Variants in NCAM1 observed in about 807,000 individuals in gnomAD.
NCAM1 encodes antigen recognized by monoclonal antibody 5.1H11.
NCAM1 carries 14 observed loss-of-function variants against 109.8 expected under a neutral mutation model. The ratio of observed to expected loss-of-function variants is 0.13; its 90% CI spans 0.08 to 0.20. NCAM1 has a LOEUF of 0.20. Ranked by LOEUF, NCAM1 falls within the 10% of genes least tolerant of loss-of-function variation. The pLI, the probability that NCAM1 is intolerant of heterozygous loss-of-function variation, is 1.00. For synonymous variants in NCAM1, 418 were observed against 442.9 expected (o/e 0.94, Z 0.70); for missense variants, 774 against 1,109.9 (o/e 0.70, Z 4.30).
chr11:113,220,803 G>A (rs1565508697), intron 8 of NCAM1, among the ~76,000 whole-genome samples: 1 of 151,692 alleles, frequency 6.6e-6, no homozygotes, highest in Non-Finnish European at 1.5e-5. Context: ...TAGAGATGGG[G>A]TTTCACCGTG....
intron 1 of NCAM1, among the ~76,000 whole-genome samples, chr11:113,193,917 C>T (rs1224860271): frequency 6.6e-6 from 1 of 152,112 alleles, no homozygotes; most frequent in East Asian, 1.9e-4. Context: ...GGGGCAGCAA[C>T]CATGGTTTGA....
intron 1 of NCAM1, among the ~76,000 whole-genome samples, chr11:113,141,026 A>C (rs1372031015): frequency 6.6e-6 from 1 of 152,168 alleles, no homozygotes; most frequent in African/African-American, 2.4e-5. Flanking sequence ...TTGTTCACTT[A>C]TGCTTTCATT....
intron 1 of NCAM1, among the ~76,000 whole-genome samples, chr11:113,163,887 G>A (rs1244948188): frequency 6.6e-6 from 1 of 152,120 alleles, no homozygotes; most frequent in Non-Finnish European, 1.5e-5. Flanking sequence ...GAGAAGAGAG[G>A]GAGTGAGCAA....
At chr11:113,013,294 C>T (rs999060206) in intron 1 of NCAM1, among the ~76,000 whole-genome samples, 8 of 151,668 alleles carry the variant, frequency 5.3e-5, no homozygotes, top group African/African-American at 1.7e-4. Context: ...GGCATGATGG[C>T]GCGTGCCTAT....
At chr11:113,127,968 G>A (rs905924361) in intron 1 of NCAM1, among the ~76,000 whole-genome samples, 3 of 152,206 alleles carry the variant, frequency 2.0e-5, no homozygotes, top group Non-Finnish European at 2.9e-5. Context: ...CACATGGGGC[G>A]TGGCTGAGTA....
At chr11:112,978,849 G>A (rs1260942228) in intron 1 of NCAM1, among the ~76,000 whole-genome samples, 2 of 151,732 alleles carry the variant, frequency 1.3e-5, no homozygotes, top group African/African-American at 4.8e-5. Flanking sequence ...TGGAGACAAA[G>A]CTTATTGTTT....
At chr11:113,033,553 A>G (rs1168314261) in intron 1 of NCAM1, among the ~76,000 whole-genome samples, 2 of 152,212 alleles carry the variant, frequency 1.3e-5, no homozygotes, top group East Asian at 1.9e-4. Flanking sequence ...TTCCTCTACT[A>G]TGCAAAGAGA....
At position 113,240,904 on chromosome 11, in the gene NCAM1, G is replaced by A. The variant is rs1181535729; in HGVS notation, c.1826-5464G>A. The A allele has an allele frequency of 2.1e-6, 3 of 1,429,484 alleles. No homozygotes were observed. In the Admixed American group the frequency reaches 5.0e-5, roughly 24 times the overall value. 88.6% of individuals were successfully genotyped at this position (1,429,484 alleles called of 1,614,324 possible). ...CCAGCCACAGTTTGTTTTGCCTAAT[G>A]TTATCTCCTTCACCAGGTGATAATT... is the stretch of plus-strand genomic sequence containing the variant. On this transcript the variant is annotated intron_variant, in intron 14 of 19. Transcript: ENST00000316851.
chr11:113,207,422 TG>T (rs782593612), intron 6 of NCAM1, 44 bp downstream of exon 6: 2 of 1,504,886 alleles, frequency 1.3e-6, no homozygotes, highest in South Asian at 1.1e-5. Flanking sequence ...TAGAGGAGAA[TG>T]GGGCATCACA....
At chr11:113,054,854 G>A (rs191467794) in intron 1 of NCAM1, among the ~76,000 whole-genome samples, 3 of 152,214 alleles carry the variant, frequency 2.0e-5, no homozygotes, top group African/African-American at 7.2e-5. Context: ...ACTCAAAGGG[G>A]AAGCATAGCA....
chr11:113,116,702 C>G (rs1444701782), intron 1 of NCAM1, among the ~76,000 whole-genome samples: 2 of 150,330 alleles, frequency 1.3e-5, no homozygotes, highest in Non-Finnish European at 2.9e-5. Context: ...ACAAGGCTGG[C>G]AAAGAGAGTG....
At chr11:113,098,985 A>G (rs1939737842) in intron 1 of NCAM1, among the ~76,000 whole-genome samples, 1 of 152,202 alleles carries the variant, frequency 6.6e-6, no homozygotes, top group Non-Finnish European at 1.5e-5. Flanking sequence ...CCCTTCTCTG[A>G]CGTATCTCTC....
chr11:112,967,884 G>T lies in NCAM1; in HGVS notation c.52+6220G>T, dbSNP rs140564930. Among the ~76,000 whole-genome samples the T allele has an allele frequency of 1.3e-3, 203 of 152,290 alleles. 3 individuals are homozygous for T. Among genetic ancestry groups the T allele is most frequent in the African/African-American group, 4.8e-3 (198 of 41,568 alleles). On this transcript the variant is annotated intron_variant, in intron 1 of 19. Coordinates refer to ENST00000316851, the MANE Select transcript of NCAM1 (RefSeq NM_181351.5). ...GGATCTAGGTCTTGTTGGGCCTGAA[G>T]GGTATATAATTTTGAGGGCCTTCTT...
At position 113,207,992 on chromosome 11, in the gene NCAM1, C is replaced by T. The variant is rs1565500373; in HGVS notation, c.906C>T (p.Leu302=). ...KAGEQDATIH[L]KVFAKPKITY... ...GCGAGCAGGATGCGACCATCCACCTCAAAGTCTTTGGTAGGGGCAGTGGGG... is the reference window on the plus strand; with the variant it reads ...GCGAGCAGGATGCGACCATCCACCTTAAAGTCTTTGGTAGGGGCAGTGGGG... The change falls in exon 7 of 20, where the codon CTC becomes CTT. Residue 302 remains leucine (L), a synonymous_variant. Transcript: ENST00000316851. The T allele has an allele frequency of 2.5e-6, 4 of 1,608,742 alleles. No individual in the cohort carries two copies. In the East Asian group the frequency reaches 9.0e-5, roughly 36 times the overall value.
At chr11:113,195,495 ATTTTTTTTT>A (rs561856662) in intron 1 of NCAM1, among the ~76,000 whole-genome samples, 5 of 85,584 alleles carry the variant, frequency 5.8e-5, no homozygotes, top group Admixed American at 1.6e-4. Flanking sequence ...CCCTTAGTAG[ATTTTTTTTT>A]TTTTTTTTTT....
At chr11:113,231,546 G>A in intron 9 of NCAM1, 99 bp from the exon 10 acceptor site, 2 of 1,251,202 alleles carry the variant, frequency 1.6e-6, no homozygotes, top group Admixed American at 2.1e-5. Flanking sequence ...TCACAGACAA[G>A]TGATGGCCTA....
intron 14 of NCAM1, among the ~76,000 whole-genome samples, chr11:113,242,536 G>C (rs1555119315): frequency 6.6e-6 from 1 of 152,146 alleles, no homozygotes; most frequent in Admixed American, 6.5e-5. Flanking sequence ...TTTGAACCCA[G>C]GAGATGGAGG....
At chr11:113,186,954 G>A (rs904090914) in intron 1 of NCAM1, among the ~76,000 whole-genome samples, 2 of 152,216 alleles carry the variant, frequency 1.3e-5, no homozygotes, top group South Asian at 2.1e-4. Flanking sequence ...TCACTAATGT[G>A]TCCTCCAGTT....
chr11:113,014,313 A>G (rs1952152049), intron 1 of NCAM1, among the ~76,000 whole-genome samples: 1 of 152,152 alleles, frequency 6.6e-6, no homozygotes, highest in South Asian at 2.1e-4. Context: ...TTTGATGGAA[A>G]TAGCATTTTC....
Sources: allele counts gnomAD v4.1 joint callset (sites outside exome capture counted in the v4.1 genomes callset), GRCh38; gene constraint gnomAD v4.1.1; transcripts MANE v1.5; gene names NCBI Gene and HGNC (gene_info 2026-07-23, HGNC 2026-07-21).